AGBL1: variants seen among roughly 807,000 people sequenced by gnomAD.
AGBL1 encodes the protein AGBL carboxypeptidase 1.
AGBL1 carries 130 observed loss-of-function variants against 118.9 expected under a neutral mutation model. That is an observed-to-expected ratio of 1.09 (90% confidence interval 0.95 to 1.26). The LOEUF (loss-of-function observed/expected upper bound fraction) is 1.26, where lower values mean the gene tolerates loss of function less well. Ranked by LOEUF, AGBL1 falls within the 50% of genes most tolerant of loss-of-function variation. The probability of loss-of-function intolerance (pLI) is 0.00; values close to 1 mark genes in which losing one functional copy is unlikely to be tolerated. For synonymous variants in AGBL1, 555 were observed against 478.9 expected (o/e 1.16, Z -2.08); for missense variants, 1,584 against 1,298.1 (o/e 1.22, Z -3.38).
At chr15:86,481,673 ATTAT>A (rs1004787818) in intron 18 of AGBL1, among the ~76,000 whole-genome samples, 6 of 152,072 alleles carry the variant, frequency 3.9e-5, no homozygotes, top group African/African-American at 1.2e-4. Flanking sequence ...TATATCATTG[ATTAT>A]TTATTCAGTA....
At chr15:86,801,157 T>C (rs2078643438) in intron 22 of AGBL1, among the ~76,000 whole-genome samples, 1 of 152,090 alleles carries the variant, frequency 6.6e-6, no homozygotes, top group African/African-American at 2.4e-5. Flanking sequence ...ACGTTGCCTT[T>C]TCCTGTAGTA....
At chr15:86,510,153 T>C (rs2083036734) in intron 18 of AGBL1, among the ~76,000 whole-genome samples, 1 of 152,094 alleles carries the variant, frequency 6.6e-6, no homozygotes, top group Non-Finnish European at 1.5e-5. Flanking sequence ...GAAATTATTT[T>C]TCTGTACCTG....
chr15:86,519,329 C>A (rs2083158520), intron 18 of AGBL1, among the ~76,000 whole-genome samples: 1 of 152,182 alleles, frequency 6.6e-6, no homozygotes, highest in Admixed American at 6.5e-5. Context: ...ATTATAGGCA[C>A]TGAATTTATT....
chr15:86,889,994 C>T (rs1394318002), intron 22 of AGBL1, among the ~76,000 whole-genome samples: 1 of 152,174 alleles, frequency 6.6e-6, no homozygotes, highest in African/African-American at 2.4e-5. Context: ...AATGGTTGAA[C>T]TAATTTGTAG....
chr15:86,453,261 T>C (rs2082217633), intron 18 of AGBL1, among the ~76,000 whole-genome samples: 1 of 152,228 alleles, frequency 6.6e-6, no homozygotes, highest in Admixed American at 6.5e-5. Context: ...AATAATTATG[T>C]TGGACACTAC....
intron 19 of AGBL1, among the ~76,000 whole-genome samples, chr15:86,543,814 C>T (rs2083538220): frequency 6.6e-6 from 1 of 152,190 alleles, no homozygotes; most frequent in Non-Finnish European, 1.5e-5. Flanking sequence ...ACTGCTATAT[C>T]CATCTTATTC....
intron 22 of AGBL1, among the ~76,000 whole-genome samples, chr15:86,906,108 G>A (rs748228122): frequency 3.9e-5 from 6 of 152,182 alleles, no homozygotes; most frequent in African/African-American, 7.2e-5. Flanking sequence ...TTATGGCAAG[G>A]CAGGTGGATG....
At chr15:86,528,275 G>A (rs1389302787) in intron 19 of AGBL1, among the ~76,000 whole-genome samples, 1 of 152,246 alleles carries the variant, frequency 6.6e-6, no homozygotes, top group Admixed American at 6.5e-5. Flanking sequence ...CCGAAGCAGG[G>A]CGAGGCATTG....
At chr15:86,321,597 C>T (rs372773095) in intron 17 of AGBL1, among the ~76,000 whole-genome samples, 108 of 150,912 alleles carry the variant, frequency 7.2e-4, no homozygotes, top group Middle Eastern at 3.4e-3. Context: ...GGCAAAAACC[C>T]GTCTATATTA....
intron 22 of AGBL1, among the ~76,000 whole-genome samples, chr15:86,825,883 GGATGGATAGATAGATA>G (rs1445866594): frequency 7.8e-5 from 9 of 114,694 alleles, no homozygotes; most frequent in Non-Finnish European, 1.5e-4. Flanking sequence ...GATGATAGAT[GGATGGATAGATAGATA>G]GATAGATAGA....
intron 21 of AGBL1, among the ~76,000 whole-genome samples, chr15:86,631,317 A>G (rs535711589): frequency 1.3e-5 from 2 of 152,064 alleles, no homozygotes; most frequent in Non-Finnish European, 2.9e-5. Context: ...GAGAAAAAAA[A>G]GTCATATTCA....
chr15:86,439,228 T>C (rs1184576033), intron 18 of AGBL1, among the ~76,000 whole-genome samples: 2 of 152,112 alleles, frequency 1.3e-5, no homozygotes, highest in Non-Finnish European at 2.9e-5. Flanking sequence ...ATTCAAAAAA[T>C]TAAGTGTGTG....
At chr15:86,768,954 G>C (rs1216655326) in intron 22 of AGBL1, among the ~76,000 whole-genome samples, 1 of 151,908 alleles carries the variant, frequency 6.6e-6, no homozygotes, top group Non-Finnish European at 1.5e-5. Context: ...AAGGGTGTGA[G>C]GTTTTTAACC....
intron 18 of AGBL1, among the ~76,000 whole-genome samples, chr15:86,436,640 T>TA (rs1446809579): frequency 6.6e-6 from 1 of 152,182 alleles, no homozygotes; most frequent in Non-Finnish European, 1.5e-5. Context: ...CCATAACAAT[T>TA]ACACTAAGTT....
chr15:86,539,492 CT>C (rs924720872), intron 19 of AGBL1, among the ~76,000 whole-genome samples: 1 of 152,184 alleles, frequency 6.6e-6, no homozygotes, highest in African/African-American at 2.4e-5. Context: ...ATCTGATCAT[CT>C]TGCTCCTTCT....
intron 5 of AGBL1, among the ~76,000 whole-genome samples, chr15:86,214,886 A>G (rs1271612423): frequency 6.6e-6 from 1 of 152,160 alleles, no homozygotes; most frequent in Non-Finnish European, 1.5e-5. Context: ...TAACCAAACC[A>G]GTCTGAGATC....
intron 1 of AGBL1, among the ~76,000 whole-genome samples, chr15:86,134,141 T>C (rs1220943920): frequency 6.6e-6 from 1 of 152,234 alleles, no homozygotes; most frequent in Non-Finnish European, 1.5e-5. Context: ...CTGGTCACTA[T>C]TTTTGGTGTT....
intron 1 of AGBL1, among the ~76,000 whole-genome samples, chr15:86,097,265 A>G (rs1463959681): frequency 6.6e-6 from 1 of 152,200 alleles, no homozygotes; most frequent in East Asian, 1.9e-4. Context: ...CGAGCAAGTC[A>G]GAGTAATTGG....
At chr15:86,561,628 G>A (rs1567058588) in intron 21 of AGBL1, among the ~76,000 whole-genome samples, 1 of 152,154 alleles carries the variant, frequency 6.6e-6, no homozygotes, top group Non-Finnish European at 1.5e-5. Context: ...GATTGTCTTG[G>A]CAATGCGGGC....
Sources: gnomAD v4.1 joint callset for allele counts (sites outside exome capture counted in the v4.1 genomes callset) on GRCh38, gnomAD v4.1.1 for gene constraint, MANE v1.5 for transcripts, NCBI Gene and HGNC (gene_info 2026-07-23, HGNC 2026-07-21) for gene names.